F8: variants seen among roughly 807,000 people sequenced by gnomAD.
F8 encodes antihemophilic factor.
F8 carries 12 observed loss-of-function variants against 140.6 expected under a neutral mutation model. The ratio of observed to expected loss-of-function variants is 0.09; its 90% CI spans 0.05 to 0.14. The LOEUF (loss-of-function observed/expected upper bound fraction) is 0.14. Ranked by LOEUF, F8 falls within the 10% of genes least tolerant of loss-of-function variation. The pLI is 1.00. For synonymous variants in F8, 585 were observed against 614.6 expected (o/e 0.95, Z 0.71); for missense variants, 1,354 against 1,720.7 (o/e 0.79, Z 3.77).
intron 18 of F8, among the ~76,000 whole-genome samples, chrX:154,902,368 C>G (rs1404671114): frequency 9.0e-6 from 1 of 111,439 alleles, no homozygotes; most frequent in Non-Finnish European, 1.9e-5. Context: ...ACTCCCCTCC[C>G]CCCAGGAGAT....
intron 13 of F8, among the ~76,000 whole-genome samples, chrX:154,936,285 A>T (rs1272053443): frequency 1.8e-5 from 2 of 112,019 alleles, no homozygotes. Context: ...TCAGAGAAGC[A>T]AAAACTGACA....
chrX:155,000,968 G>C (rs147030151), intron 1 of F8, among the ~76,000 whole-genome samples: 3 of 111,615 alleles, frequency 2.7e-5, no homozygotes, highest in Non-Finnish European at 5.6e-5. Context: ...GCTTCTGATT[G>C]TAAGTATTCA....
intron 25 of F8, among the ~76,000 whole-genome samples, chrX:154,839,147 A>G (rs868943744): frequency 9.1e-6 from 1 of 109,624 alleles, no homozygotes. Flanking sequence ...GAGCCTTTGT[A>G]TATGTGATTC....
At chrX:154,862,995 C>T in intron 23 of F8, 88 bp downstream of exon 23, 1 of 1,040,449 alleles carries the variant, frequency 9.6e-7, no homozygotes, top group Non-Finnish European at 1.3e-6. Context: ...ATACCGGGAA[C>T]CCCTCCCCCA....
Position 154,965,800 on chromosome X carries a change from T to C in F8, c.1443+170A>G, listed in dbSNP as rs1252648821. On this transcript the variant is annotated intron_variant, in intron 9 of 25. Coordinates refer to ENST00000360256, the MANE Select transcript of F8 (RefSeq NM_000132.4). The stretch of plus-strand genomic sequence containing the variant: ...AGTGGGTGACATTAAATTTTTATTC[T>C]ATATACTCAAACTTTAAATACATAC... 1.3e-5 allele frequency: 6 copies of C among 479,151 alleles called. No homozygotes were observed. The Admixed American group carries it at 1.6e-4, about 13-fold the overall frequency. The allele number at this position is 479,151 out of a possible 1,213,427, so 39.5% of individuals were successfully genotyped here.
chrX:154,895,789 A>G (rs1236512342), intron 22 of F8, among the ~76,000 whole-genome samples: 1 of 111,386 alleles, frequency 9.0e-6, no homozygotes. Flanking sequence ...TGATTGTCCT[A>G]CTATAACCTC....
At chrX:154,897,948 G>A (rs2072990765) in intron 21 of F8, 1 of 112,497 alleles carries the variant, frequency 8.9e-6, no homozygotes, top group Non-Finnish European at 1.9e-5. Flanking sequence ...CCTGGGAGCA[G>A]TTTGACAATT....
chrX:154,862,800 G>A (rs782536966), intron 23 of F8, among the ~76,000 whole-genome samples: 24 of 112,107 alleles, frequency 2.1e-4, no homozygotes, highest in Non-Finnish European at 4.0e-4. Flanking sequence ...TGGGCATTTA[G>A]GTTGACTCCA....
At chrX:154,928,502 T>G in intron 14 of F8, 69 bp downstream of exon 14, 1 of 931,873 alleles carries the variant, frequency 1.1e-6, no homozygotes, top group Non-Finnish European at 1.6e-6. Context: ...ACTCTCATTG[T>G]TGGTGTCATC....
chrX:154,924,122 T>C (rs1459131954), intron 14 of F8, among the ~76,000 whole-genome samples: 2 of 112,453 alleles, frequency 1.8e-5, no homozygotes, highest in Non-Finnish European at 3.8e-5. Flanking sequence ...ATAAAACCTC[T>C]TTCCTTTGTA....
In F8 at chrX:154,905,038, C is replaced by T. The variant is rs781884812; in HGVS notation, c.5374-15G>A. ...CTGAAAGTTACCTGTAGAACAATAA[C>T]GACAAAAAAAAAAAAGCAAGAATAA... is the stretch of plus-strand genomic sequence containing the variant. On this transcript the variant is annotated splice_polypyrimidine_tract_variant and intron_variant, in intron 15 of 25. Transcript: ENST00000360256. 3.1e-5 allele frequency: 35 copies of T among 1,116,102 alleles called. No homozygotes were observed. In the South Asian group the frequency reaches 4.3e-4, roughly 14 times the overall value. The allele number at this position is 1,116,102 out of a possible 1,213,427, so 92.0% of individuals were successfully genotyped here.
At chrX:154,960,595 G>T (rs2073390723) in intron 10 of F8, among the ~76,000 whole-genome samples, 1 of 105,254 alleles carries the variant, frequency 9.5e-6, no homozygotes, top group African/African-American at 3.6e-5. Flanking sequence ...ACCCTGTTGA[G>T]AGAGAGAGAG....
intron 14 of F8, among the ~76,000 whole-genome samples, chrX:154,916,211 A>G (rs2073096544): frequency 1.8e-5 from 2 of 111,803 alleles, no homozygotes; most frequent in Admixed American, 9.5e-5. Flanking sequence ...GTTTGCTAGT[A>G]CTTTGTTGAG....
chrX:154,876,267 C>T (rs2072814567), intron 22 of F8, among the ~76,000 whole-genome samples: 1 of 109,317 alleles, frequency 9.1e-6, no homozygotes, highest in Admixed American at 9.7e-5. Flanking sequence ...CTACAGGCGC[C>T]CACCACCACA....
rs369414658 is a variant in F8, at chrX:154,902,077, C to T, written c.6089G>A (p.Ser2030Asn). 84 of 1,206,723 alleles carry T rather than the reference C, an allele frequency of 7.0e-5. No individual in the cohort carries two copies. The highest frequency in any genetic ancestry group is 9.0e-5 in the Non-Finnish European group (80 of 892,119). Reference protein sequence around the residue: ...LIGEHLHAGMSTLFLVYSNKC... With the variant: ...LIGEHLHAGMNTLFLVYSNKC... ...ATTGCTGTACACCAGAAAAAGTGTG[C>T]TCATCCCAGCATGTAGATGCTCGCC... Residue 2030 changes from serine to asparagine, a missense_variant, in exon 19 of 26, where the codon AGC becomes AAC. By Grantham distance (46) the Ser-to-Asn change is conservative. Around this residue, in one of 4 missense-constraint regions of F8, gnomAD observed 316 missense variants for 485.4 expected, o/e 0.65. Transcript: ENST00000360256.
rs1557276367 is a variant in F8 at position 154,906,456 on chromosome X, C to T, written c.5337G>A (p.Gly1779=). 8.3e-7 allele frequency: 1 copy of T among 1,209,559 alleles called. No individual in the cohort carries two copies. The highest frequency in any genetic ancestry group is 3.0e-5 in the East Asian group (1 of 33,835). Residue 1779 remains glycine, a synonymous_variant, in exon 15 of 26, where the codon GGG becomes GGA. Transcript: ENST00000360256. ...GELNEHLGLL[G]PYIRAEVEDN... ...CTTCAACTTCTGCTCTTATATATGG[C>T]CCCAGGAGTCCCAAATGTTCATTTA...
chrX:154,878,299 G>A (rs1192053438), intron 22 of F8, among the ~76,000 whole-genome samples: 1 of 109,875 alleles, frequency 9.1e-6, no homozygotes, highest in African/African-American at 3.3e-5. Flanking sequence ...ATGCAAGACT[G>A]GTTCAACATA....
intron 4 of F8, among the ~76,000 whole-genome samples, chrX:154,991,258 C>G (rs2073586497): frequency 8.9e-6 from 1 of 111,942 alleles, no homozygotes; most frequent in South Asian, 3.7e-4. Flanking sequence ...CCTTGAAACC[C>G]CAGAGGGTTT....
intron 1 of F8, among the ~76,000 whole-genome samples, chrX:155,001,685 A>G (rs1233968756): frequency 1.8e-5 from 2 of 110,837 alleles, no homozygotes; most frequent in Non-Finnish European, 3.8e-5. Flanking sequence ...AGGCCAGGGC[A>G]GGATGATCAC....
Sources: allele counts gnomAD v4.1 joint callset (sites outside exome capture counted in the v4.1 genomes callset), GRCh38; gene constraint gnomAD v4.1.1; regional missense constraint gnomAD v4.1.1; transcripts MANE v1.5; gene names NCBI Gene and HGNC (gene_info 2026-07-23, HGNC 2026-07-21).